Variants in NAAA observed in about 807,000 individuals in gnomAD.
NAAA encodes the protein N-acylethanolamine acid amidase.
A neutral mutation model predicts 44.8 loss-of-function variants in NAAA; 39 were observed. The observed-to-expected ratio is 0.87, with a 90% CI of 0.67 to 1.14. The LOEUF (loss-of-function observed/expected upper bound fraction) is 1.14, where lower values mean the gene tolerates loss of function less well. NAAA is among the 50% of genes most tolerant of loss of function. The pLI is 0.00. For synonymous variants in NAAA, 178 were observed against 191.3 expected (o/e 0.93, Z 0.58); for missense variants, 460 against 467.8 (o/e 0.98, Z 0.15).
intron 5 of NAAA, 99 bp downstream of exon 5, chr4:75,925,636 A>C: frequency 9.0e-7 from 1 of 1,112,606 alleles, no homozygotes; most frequent in Non-Finnish European, 1.4e-6. Flanking sequence ...TTATTCTTTT[A>C]AGGAGCTCCT....
At chr4:75,917,091 CA>C in intron 9 of NAAA, 1 of 956,266 alleles carries the variant, frequency 1.0e-6, no homozygotes, top group Non-Finnish European at 1.2e-6. Context: ...ATATATTCAT[CA>C]CTTCTATAAT....
intron 5 of NAAA, 31 bp downstream of exon 5, chr4:75,925,704 T>G (rs1469154156): frequency 6.2e-7 from 1 of 1,600,440 alleles, no homozygotes; most frequent in East Asian, 2.2e-5. Flanking sequence ...GGAGGTGGAG[T>G]TAAGGAGGGC....
chr4:75,930,931 G>A (rs530868167), intron 4 of NAAA, among the ~76,000 whole-genome samples: 11 of 152,166 alleles, frequency 7.2e-5, no homozygotes, highest in South Asian at 4.2e-4. Flanking sequence ...ACTAGCTCCC[G>A]GATCACATGG....
At chr4:75,932,668 A>T (rs763823115) in intron 3 of NAAA, among the ~76,000 whole-genome samples, 3 of 150,652 alleles carry the variant, frequency 2.0e-5, no homozygotes, top group African/African-American at 7.3e-5. Context: ...TATATACAAA[A>T]TTTTTTTTTG....
chr4:75,940,693 C>A, intron 1 of NAAA, 51 bp downstream of exon 1: 2 of 1,551,276 alleles, frequency 1.3e-6, no homozygotes, highest in Non-Finnish European at 1.7e-6. Context: ...CGTTTGACTC[C>A]GACCCGCAGG....
intron 2 of NAAA, among the ~76,000 whole-genome samples, chr4:75,938,880 C>A (rs1357760960): frequency 1.3e-5 from 2 of 152,194 alleles, no homozygotes; most frequent in African/African-American, 4.8e-5. Context: ...TGGAATCTCG[C>A]TTTGTCGCCC....
At chr4:75,924,653 A>G (rs1726488698) in intron 5 of NAAA, among the ~76,000 whole-genome samples, 1 of 152,164 alleles carries the variant, frequency 6.6e-6, no homozygotes, top group Admixed American at 6.5e-5. Flanking sequence ...TTAAAAGGGG[A>G]GTACATCTGT....
intron 3 of NAAA, chr4:75,935,097 T>G (rs2149282514): frequency 6.6e-6 from 1 of 152,334 alleles, no homozygotes; most frequent in African/African-American, 2.4e-5. Context: ...TTAAAATCAT[T>G]TTTAAAGTAA....
rs13111710 is a variant in NAAA at position 75,938,552 on chromosome 4, C to A, written c.371+1449G>T. ...GCATTTCCTGAAGAGGAAGGCAGTC[C>A]CAGTGCTTTTTAGCTTACTCTGCCT... On this transcript the variant is annotated intron_variant, in intron 2 of 10. Transcript: ENST00000286733. 7.9e-5 allele frequency among the ~76,000 whole-genome samples: 12 copies of A among 152,104 alleles called. No homozygotes were observed. The South Asian group carries it at 2.3e-3, about 29-fold the overall frequency.
chr4:75,940,312 C>A, intron 1 of NAAA, 147 bp from the exon 2 acceptor site: 1 of 776,188 alleles, frequency 1.3e-6, no homozygotes, highest in Non-Finnish European at 1.9e-6. Flanking sequence ...GGCGCGGCGT[C>A]ACTCAATCTG....
intron 3 of NAAA, chr4:75,935,832 T>G (rs1349263196): frequency 2.8e-5 from 14 of 496,920 alleles, no homozygotes; most frequent in Non-Finnish European, 4.5e-5. Context: ...AAGAGCTGAC[T>G]CTGCATAAGT....
At chr4:75,928,881 G>A (rs557718847) in intron 4 of NAAA, among the ~76,000 whole-genome samples, 71 of 151,034 alleles carry the variant, frequency 4.7e-4, no homozygotes, top group Admixed American at 1.8e-3. Flanking sequence ...TCCACCTCCC[G>A]GGTTCACACC....
At chr4:75,923,229 A>G (rs1726338875) in intron 5 of NAAA, among the ~76,000 whole-genome samples, 1 of 152,146 alleles carries the variant, frequency 6.6e-6, no homozygotes, top group South Asian at 2.1e-4. Context: ...ACCAGAGAAC[A>G]TAGCAACCTC....
chr4:75,927,953 C>A (rs182400757), intron 4 of NAAA, among the ~76,000 whole-genome samples: 8 of 152,292 alleles, frequency 5.3e-5, no homozygotes, highest in Non-Finnish European at 1.0e-4. Context: ...TGTAACACAT[C>A]ACATGTGCTC....
chr4:75,918,277 C>A (rs1041326664), intron 9 of NAAA, among the ~76,000 whole-genome samples: 3 of 152,104 alleles, frequency 2.0e-5, no homozygotes, highest in Non-Finnish European at 4.4e-5. Flanking sequence ...AACGGTGAAA[C>A]CCTGTCCCTA....
At chr4:75,925,625 C>A in intron 5 of NAAA, 110 bp downstream of exon 5, 1 of 996,418 alleles carries the variant, frequency 1.0e-6, no homozygotes, top group Non-Finnish European at 1.6e-6. Flanking sequence ...CATTTAGATG[C>A]TTATTCTTTT....
intron 6 of NAAA, 64 bp from the exon 7 acceptor site, chr4:75,920,864 T>C: frequency 6.2e-7 from 1 of 1,613,230 alleles, no homozygotes; most frequent in Non-Finnish European, 8.5e-7. Context: ...AGGAGACATA[T>C]GAACAAATTT....
At chr4:75,920,864 T>A (rs971278271) in intron 6 of NAAA, 64 bp from the exon 7 acceptor site, 11 of 1,613,112 alleles carry the variant, frequency 6.8e-6, no homozygotes, top group Non-Finnish European at 9.3e-6. Context: ...AGGAGACATA[T>A]GAACAAATTT....
At chr4:75,914,676 G>A (rs371649438) in intron 10 of NAAA, among the ~76,000 whole-genome samples, 192 bp downstream of exon 10, 32 of 152,200 alleles carry the variant, frequency 2.1e-4, no homozygotes, top group African/African-American at 7.5e-4. Flanking sequence ...ATCACGCCCC[G>A]CCGAAGATTG....
Sources: allele counts gnomAD v4.1 joint callset (sites outside exome capture counted in the v4.1 genomes callset), GRCh38; gene constraint gnomAD v4.1.1; transcripts MANE v1.5; gene names NCBI Gene and HGNC (gene_info 2026-07-23, HGNC 2026-07-21).